LGALS12: variants seen among roughly 807,000 people sequenced by gnomAD.
LGALS12 encodes the protein galectin 12.
Under a neutral mutation model 36.8 loss-of-function variants are expected in LGALS12, and 36 were observed. The ratio of observed to expected loss-of-function variants is 0.98; its 90% CI spans 0.75 to 1.29. The LOEUF is 1.29. Ranked by LOEUF, LGALS12 falls within the 50% of genes most tolerant of loss-of-function variation. The probability of loss-of-function intolerance (pLI) is 0.00; values close to 1 mark genes in which losing one functional copy is unlikely to be tolerated. For synonymous variants in LGALS12, 145 were observed against 155.9 expected, an observed-to-expected ratio of 0.93 and a Z score of 0.52; for missense variants, 366 against 394.3, an observed-to-expected ratio of 0.93 and a Z score of 0.61.
At position 63,509,090 on chromosome 11, in the gene LGALS12, G is replaced by A. The variant is rs2016838529; in HGVS notation, c.372+99G>A. On this transcript the variant is annotated intron_variant, in intron 3 of 8. Transcript: ENST00000394618. The stretch of plus-strand genomic sequence containing the variant: ...CCACGACACAATGTTGAGTGGCATT[G>A]GTAGTGGTCAGGTACCAAGAGGACC... 4.0e-6 allele frequency: 4 copies of A among 991,358 alleles called. No individual in the cohort carries two copies. The Admixed American group carries it at 8.3e-5, about 21-fold the overall frequency. 61.4% of individuals were successfully genotyped at this position (991,358 alleles called of 1,614,324 possible).
chr11:63,510,944 G>A, intron 5 of LGALS12, 135 bp from the exon 6 acceptor site: 1 of 813,922 alleles, frequency 1.2e-6, no homozygotes, highest in Non-Finnish European at 2.1e-6. Context: ...GGATCCCACT[G>A]GGGCTCCAAT....
At chr11:63,508,724 A>G in intron 2 of LGALS12, 54 bp from the exon 3 acceptor site, 2 of 1,613,790 alleles carry the variant, frequency 1.2e-6, no homozygotes, top group East Asian at 2.2e-5. Flanking sequence ...TGCCACTGAG[A>G]TCTCTGTGGG....
Position 63,506,361 on chromosome 11 carries a change from G to A in LGALS12, c.-98G>A. ...GGTGAGACTAACAGCTGGGAGAGCT[G>A]CTCCAGGCATTTAGGACCCTGACTG... On this transcript the variant is annotated 5_prime_UTR_variant, in exon 1 of 9. Coordinates refer to ENST00000394618, the MANE Select transcript of LGALS12 (RefSeq NM_033101.4). The A allele has an allele frequency of 6.2e-7, 1 of 1,613,652 alleles. No individual in the cohort carries two copies. Among genetic ancestry groups the A allele is most frequent in the Non-Finnish European group, 8.5e-7 (1 of 1,179,728 alleles).
At chr11:63,510,943 TG>T in intron 5 of LGALS12, 135 bp from the exon 6 acceptor site, 1 of 810,500 alleles carries the variant, frequency 1.2e-6, no homozygotes, top group Non-Finnish European at 2.1e-6. Context: ...AGGATCCCAC[TG>T]GGGCTCCAAT....
At chr11:63,512,658 G>A (rs150862449) in intron 7 of LGALS12, among the ~76,000 whole-genome samples, 5,118 of 151,954 alleles carry the variant, frequency 0.034, 149 homozygotes, top group Non-Finnish European at 0.051. Context: ...GCATGGTGGC[G>A]CATGCCTGTA....
chr11:63,508,648 C>T lies in LGALS12; in HGVS notation c.158+7C>T, dbSNP rs981536806. 5.6e-6 allele frequency: 9 copies of T among 1,613,838 alleles called. No individual in the cohort carries two copies. Among genetic ancestry groups the T allele is most frequent in the African/African-American group, 4.0e-5 (3 of 74,886 alleles). On this transcript the variant is annotated splice_region_variant and intron_variant, in intron 2 of 8. Transcript: ENST00000394618. ...TCCCTCTAGATGCACACAGGTAAGG[C>T]GGGGGAGGTGGCCCAGGGGGTGCTG...
rs1430428513 is a variant in LGALS12, at chr11:63,516,427, G to T, written c.*34G>T. On this transcript the variant is annotated 3_prime_UTR_variant, in exon 9 of 9. Coordinates refer to ENST00000394618, the MANE Select transcript of LGALS12 (RefSeq NM_033101.4). The stretch of plus-strand genomic sequence containing the variant: ...CCAGGGAAATACCGCCAGAAAACAA[G>T]AAGGTCAGCCCACTCCCAGGGCCCC... 1 of 1,612,718 alleles carries T rather than the reference G, an allele frequency of 6.2e-7. No individual in the cohort carries two copies. Among genetic ancestry groups the T allele is most frequent in the Non-Finnish European group, 8.5e-7 (1 of 1,179,782 alleles).
intron 3 of LGALS12, 104 bp downstream of exon 3, chr11:63,509,095 T>TG (rs2016838914): frequency 2.1e-6 from 2 of 945,342 alleles, no homozygotes; most frequent in South Asian, 3.1e-5. Flanking sequence ...GCATTGGTAG[T>TG]GGTCAGGTAC....
intron 4 of LGALS12, 127 bp downstream of exon 4, chr11:63,510,024 C>A: frequency 8.5e-7 from 1 of 1,177,274 alleles, no homozygotes; most frequent in Non-Finnish European, 1.2e-6. Flanking sequence ...CCAGTAATAG[C>A]CAAGGGGGAG....
intron 1 of LGALS12, 29 bp from the exon 2 acceptor site, chr11:63,508,524 T>G (rs1193453649): frequency 6.2e-7 from 1 of 1,614,032 alleles, no homozygotes; most frequent in Admixed American, 1.7e-5. Flanking sequence ...TCTCCAAACC[T>G]GCATGGATGA....
At chr11:63,507,735 T>TTC (rs2016784941) in intron 1 of LGALS12, among the ~76,000 whole-genome samples, 1 of 134,878 alleles carries the variant, frequency 7.4e-6, no homozygotes. Context: ...CTTTTTTTTT[T>TTC]TTTTTTTTTT....
chr11:63,508,077 G>A (rs1418303858), intron 1 of LGALS12: 29 of 1,001,944 alleles, frequency 2.9e-5, no homozygotes, highest in Non-Finnish European at 3.2e-5. Context: ...GCCTGGGAAG[G>A]CCATTGTTAA....
rs759098676 is a variant in LGALS12, at chr11:63,515,598, C to T, written c.683C>T (p.Ala228Val). Residue 228 changes from alanine to valine, a missense_variant, in exon 8 of 9, where the codon GCT (alanine) becomes GTT (valine). By Grantham distance (64) the Ala-to-Val change is moderately conservative (BLOSUM62 0). Coordinates refer to ENST00000394618, the MANE Select transcript of LGALS12 (RefSeq NM_033101.4). ...AGCCTGAGGGACCAGGCTGCCCATG[C>T]TCCTGTGACACTCAGGGCCTCCTTC... ...TVSLRDQAAHAPVTLRASFAD... is the reference protein window; with the variant it reads ...TVSLRDQAAHVPVTLRASFAD... The T allele has an allele frequency of 2.5e-6, 4 of 1,614,228 alleles. No individual in the cohort carries two copies. The highest frequency in any genetic ancestry group is 3.4e-6 in the Non-Finnish European group (4 of 1,180,024).
At chr11:63,512,699 G>C (rs1333788897) in intron 7 of LGALS12, among the ~76,000 whole-genome samples, 1 of 149,642 alleles carries the variant, frequency 6.7e-6, no homozygotes. Flanking sequence ...TGAGGCAGGA[G>C]AATCGCTTAT....
Position 63,516,586 on chromosome 11 carries a change from T to G in LGALS12, c.*193T>G. ...ACAAGAGTGCAAAGGTTCCTCGAACTCTGCACCTTCCTCCACCAGGAGCCT... is the reference window on the plus strand; with the variant it reads ...ACAAGAGTGCAAAGGTTCCTCGAACGCTGCACCTTCCTCCACCAGGAGCCT... On this transcript the variant is annotated 3_prime_UTR_variant, in exon 9 of 9. Coordinates refer to ENST00000394618, the MANE Select transcript of LGALS12 (RefSeq NM_033101.4). 1 of 632,248 alleles carries G rather than the reference T, an allele frequency of 1.6e-6. No homozygotes were observed. Among genetic ancestry groups the G allele is most frequent in the Non-Finnish European group, 2.7e-6 (1 of 366,522 alleles). 39.2% of individuals were successfully genotyped at this position (632,248 alleles called of 1,614,324 possible). A position where few individuals can be genotyped will look rare whatever the true frequency, so the allele number is the denominator to read the frequency against.
intron 1 of LGALS12, among the ~76,000 whole-genome samples, chr11:63,507,531 C>T (rs1300012137): frequency 6.6e-6 from 1 of 152,088 alleles, no homozygotes; most frequent in Non-Finnish European, 1.5e-5. Flanking sequence ...GCCAACCAGT[C>T]GCTCTAAGCC....
Position 63,516,692 on chromosome 11 carries a change from A to C in LGALS12, c.*299A>C. ...TGTAGACTAACAAAGATACTCCAAA[A>C]TACAATGGCTTAAAGAATGTGGTCA... On this transcript the variant is annotated 3_prime_UTR_variant, in exon 9 of 9. Coordinates refer to ENST00000394618, the MANE Select transcript of LGALS12 (RefSeq NM_033101.4). The C allele has an allele frequency of 2.7e-6, 1 of 367,968 alleles. No homozygotes were observed. The highest frequency in any genetic ancestry group is 4.9e-6 in the Non-Finnish European group (1 of 202,978). 22.8% of individuals were successfully genotyped at this position (367,968 alleles called of 1,614,324 possible). A position where few individuals can be genotyped will look rare whatever the true frequency, so the allele number is the denominator to read the frequency against.
intron 1 of LGALS12, 65 bp from the exon 2 acceptor site, chr11:63,508,488 C>A: frequency 6.3e-7 from 1 of 1,597,308 alleles, no homozygotes; most frequent in South Asian, 1.1e-5. Flanking sequence ...CTCCCACTCG[C>A]CTGACATAGA....
In LGALS12 at chr11:63,509,771, T is replaced by C. The variant is rs763128318; in HGVS notation, c.373-7T>C. The C allele has an allele frequency of 3.1e-6, 5 of 1,613,544 alleles. No individual in the cohort carries two copies. In the South Asian group the frequency reaches 5.5e-5, roughly 18 times the overall value. The stretch of plus-strand genomic sequence containing the variant: ...GCTGATAAGCCAGCCTCTGTCTGTC[T>C]CTCCAGGTGAGTGTGAATGGACAGC... On this transcript the variant is annotated splice_polypyrimidine_tract_variant and splice_region_variant and intron_variant, in intron 3 of 8. Transcript: ENST00000394618.
Sources: gnomAD v4.1 joint callset for allele counts (sites outside exome capture counted in the v4.1 genomes callset) on GRCh38, gnomAD v4.1.1 for gene constraint, MANE v1.5 for transcripts, NCBI Gene and HGNC (gene_info 2026-07-23, HGNC 2026-07-21) for gene names.